Variants in NOX4 observed in about 807,000 individuals in gnomAD.
NOX4 encodes the protein NADPH oxidase 4, also known as kidney oxidase-1.
NOX4 carries 69 observed loss-of-function variants against 87.6 expected under a neutral mutation model. The ratio of observed to expected loss-of-function variants is 0.79; its 90% CI spans 0.65 to 0.96. The LOEUF (loss-of-function observed/expected upper bound fraction) is 0.96, where lower values mean the gene tolerates loss of function less well. Ranked by LOEUF, NOX4 falls within the 40% of genes least tolerant of loss-of-function variation. The pLI is 0.00. For missense variants in NOX4, 680 were observed against 681.5 expected (o/e 1.00, Z 0.02); for synonymous variants, 275 against 238.2 (o/e 1.15, Z -1.42).
At chr11:89,406,881 T>A (rs1319169421) in intron 8 of NOX4, among the ~76,000 whole-genome samples, 1 of 152,106 alleles carries the variant, frequency 6.6e-6, no homozygotes, top group African/African-American at 2.4e-5. Flanking sequence ...AGATGGGTAA[T>A]GAACTTTGAT....
intron 13 of NOX4, among the ~76,000 whole-genome samples, chr11:89,345,697 C>T (rs958732315): frequency 3.9e-5 from 6 of 152,062 alleles, no homozygotes; most frequent in African/African-American, 1.2e-4. Context: ...AACAAATAAC[C>T]TATTTTCATC....
chr11:89,507,678 T>C, the NOX4 span, among the ~76,000 whole-genome samples: 3 of 151,930 alleles, frequency 2.0e-5, no homozygotes, highest in African/African-American at 7.2e-5. Flanking sequence ...ATCTCTTGTA[T>C]AACATTCTGC....
At chr11:89,461,647 A>AAAATACATAAAT (rs1945471000) in intron 2 of NOX4, among the ~76,000 whole-genome samples, 1 of 145,634 alleles carries the variant, frequency 6.9e-6, no homozygotes, top group African/African-American at 2.6e-5. Flanking sequence ...TCCATCTCAA[A>AAAATACATAAAT]AAATAAATAA....
At chr11:89,431,676 G>C (rs950752791) in intron 7 of NOX4, among the ~76,000 whole-genome samples, 2 of 152,162 alleles carry the variant, frequency 1.3e-5, no homozygotes, top group Non-Finnish European at 2.9e-5. Flanking sequence ...AGTTAGAATG[G>C]TGATCATTAA....
At chr11:89,475,936 G>C (rs1213738615) in intron 2 of NOX4, among the ~76,000 whole-genome samples, 1 of 152,014 alleles carries the variant, frequency 6.6e-6, no homozygotes, top group African/African-American at 2.4e-5. Context: ...CTTGTGTGCT[G>C]TTAAGACATT....
the NOX4 span, among the ~76,000 whole-genome samples, chr11:89,523,268 C>T: frequency 1.3e-5 from 2 of 152,024 alleles, no homozygotes; most frequent in South Asian, 2.1e-4. Flanking sequence ...GTAATCCTCC[C>T]GCCTCAGCCT....
the NOX4 span, among the ~76,000 whole-genome samples, chr11:89,536,713 T>A: frequency 6.6e-6 from 1 of 152,168 alleles, no homozygotes; most frequent in African/African-American, 2.4e-5. Context: ...TCCTCATTAT[T>A]ATGATTATGG....
intron 11 of NOX4, among the ~76,000 whole-genome samples, chr11:89,396,964 C>A (rs1158887267): frequency 7.9e-6 from 1 of 126,522 alleles, no homozygotes; most frequent in Admixed American, 8.2e-5. Flanking sequence ...CTGCCCCAAG[C>A]GGACCTAATA....
intron 17 of NOX4, among the ~76,000 whole-genome samples, chr11:89,330,425 A>G (rs1945420485): frequency 6.6e-6 from 1 of 152,040 alleles, no homozygotes; most frequent in Non-Finnish European, 1.5e-5. Context: ...GTAAACTTAG[A>G]ACAATGTTTC....
intron 11 of NOX4, among the ~76,000 whole-genome samples, chr11:89,379,363 G>A (rs1353404792): frequency 1.3e-5 from 2 of 151,256 alleles, no homozygotes; most frequent in Admixed American, 1.3e-4. Flanking sequence ...TAGAGTTGGG[G>A]CTCATCATTA....
intron 8 of NOX4, among the ~76,000 whole-genome samples, chr11:89,419,512 A>C (rs1266504614): frequency 6.6e-6 from 1 of 151,916 alleles, no homozygotes; most frequent in Admixed American, 6.6e-5. Flanking sequence ...CCTGGAAAAA[A>C]TGTGCACTGT....
chr11:89,474,638 T>C (rs1946090507), intron 2 of NOX4, among the ~76,000 whole-genome samples: 1 of 152,016 alleles, frequency 6.6e-6, no homozygotes, highest in Admixed American at 6.6e-5. Flanking sequence ...AATATGCACA[T>C]GTATATATGT....
At chr11:89,422,795 ATTT>A (rs147956211) in intron 7 of NOX4, among the ~76,000 whole-genome samples, 27 of 110,972 alleles carry the variant, frequency 2.4e-4, no homozygotes, top group African/African-American at 4.9e-4. Context: ...CAAAGTTCTG[ATTT>A]TTTTTTTTTT....
chr11:89,442,350 A>G (rs1944496370), intron 5 of NOX4, among the ~76,000 whole-genome samples: 1 of 152,152 alleles, frequency 6.6e-6, no homozygotes, highest in African/African-American at 2.4e-5. Flanking sequence ...GGCACTGTCC[A>G]TCAAAACTAA....
At chr11:89,382,143 G>C (rs999457057) in intron 11 of NOX4, among the ~76,000 whole-genome samples, 2 of 151,888 alleles carry the variant, frequency 1.3e-5, no homozygotes, top group South Asian at 2.1e-4. Context: ...CTTTCCTGAG[G>C]GGGGAGGGCA....
the NOX4 span, among the ~76,000 whole-genome samples, chr11:89,586,763 G>A: frequency 2.0e-5 from 3 of 152,092 alleles, no homozygotes; most frequent in Non-Finnish European, 4.4e-5. Flanking sequence ...CTTCACCTGG[G>A]TCTTAAAGAG....
At chr11:89,402,165 C>T (rs1419834962) in intron 9 of NOX4, among the ~76,000 whole-genome samples, 161 bp downstream of exon 9, 2 of 152,068 alleles carry the variant, frequency 1.3e-5, no homozygotes, top group Non-Finnish European at 2.9e-5. Context: ...ATTGAACTCT[C>T]AGGTACCTGT....
intron 8 of NOX4, among the ~76,000 whole-genome samples, chr11:89,417,491 C>A (rs1017847475): frequency 6.6e-5 from 10 of 152,018 alleles, no homozygotes; most frequent in Non-Finnish European, 1.0e-4. Context: ...AGGAGGAAGG[C>A]TTGTTTTGCA....
upstream of NOX4, among the ~76,000 whole-genome samples, chr11:89,494,163 T>C (rs972435209): frequency 6.6e-6 from 1 of 152,168 alleles, no homozygotes. Flanking sequence ...TTAAATATTA[T>C]AAGAAAATTC....
Sources: gnomAD v4.1 joint callset for allele counts (sites outside exome capture counted in the v4.1 genomes callset) on GRCh38, gnomAD v4.1.1 for gene constraint, MANE v1.5 for transcripts, NCBI Gene and HGNC (gene_info 2026-07-23, HGNC 2026-07-21) for gene names.